MGAT5B: variants seen among roughly 807,000 people sequenced by gnomAD.
MGAT5B encodes alpha-1,6-mannosylglycoprotein 6-beta-N-acetylglucosaminyltransferase B.
In MGAT5B, 54 loss-of-function variants were observed where a neutral mutation model predicts 95.1. That is an observed-to-expected ratio of 0.57 (90% confidence interval 0.46 to 0.71). The LOEUF (loss-of-function observed/expected upper bound fraction) is 0.71, where lower values mean the gene tolerates loss of function less well. Ranked by LOEUF, MGAT5B falls within the 30% of genes least tolerant of loss-of-function variation. MGAT5B has a pLI of 0.00. For synonymous variants in MGAT5B, 464 were observed against 451.0 expected (o/e 1.03, Z -0.36); for missense variants, 935 against 1,088.6 (o/e 0.86, Z 1.99).
At position 76,938,047 on chromosome 17, in the gene MGAT5B, C is replaced by T; in HGVS notation, c.1488C>T (p.Tyr496=). ...NKYMEIHGTV[Y]YESQRPPEVP... Reference sequence around the variant, plus strand: ...ACATGGAGATCCATGGCACCGTGTACTACGAGAGCCAGCGGCCCCCCGAGG... The same window carrying T: ...ACATGGAGATCCATGGCACCGTGTATTACGAGAGCCAGCGGCCCCCCGAGG... Residue 496 remains tyrosine, a synonymous_variant, in exon 13 of 18, where the codon TAC becomes TAT. Transcript: ENST00000569840. This position sits in a 1 kb window ranked among gnomAD's most constrained non-coding sequence, Gnocchi z 4.3. The T allele has an allele frequency of 1.2e-6, 2 of 1,614,236 alleles. No homozygotes were observed. The highest frequency in any genetic ancestry group is 1.7e-6 in the Non-Finnish European group (2 of 1,180,032).
chr17:76,926,959 G>A (rs937897560), intron 10 of MGAT5B, among the ~76,000 whole-genome samples: 3 of 152,156 alleles, frequency 2.0e-5, no homozygotes, highest in South Asian at 2.1e-4. Flanking sequence ...TGTCCAGGGC[G>A]GGGTGACCTC....
At chr17:76,945,584 G>A (rs982473427) in intron 15 of MGAT5B, among the ~76,000 whole-genome samples, 4 of 152,146 alleles carry the variant, frequency 2.6e-5, no homozygotes, top group South Asian at 2.1e-4. Flanking sequence ...CCACCGTGCC[G>A]GGCTAACTAT....
intron 16 of MGAT5B, among the ~76,000 whole-genome samples, 181 bp downstream of exon 16, chr17:76,946,631 GCGGGC>G (rs1970038426): frequency 6.6e-6 from 1 of 152,216 alleles, no homozygotes; most frequent in Non-Finnish European, 1.5e-5. Context: ...AGGCCTGACT[GCGGGC>G]CTGGAAAGCA....
rs1389708342 is a variant in MGAT5B at position 76,868,837 on chromosome 17, C to T, written c.-193C>T. 2.9e-6 allele frequency: 1 copy of T among 341,372 alleles called. No homozygotes were observed. The highest frequency in any genetic ancestry group is 2.2e-5 in the African/African-American group (1 of 46,016). The allele number at this position is 341,372 out of a possible 1,614,324, so 21.1% of individuals were successfully genotyped here. On this transcript the variant is annotated 5_prime_UTR_variant, in exon 1 of 18. Coordinates refer to ENST00000569840, the MANE Select transcript of MGAT5B (RefSeq NM_001199172.2). This position sits in a 1 kb window ranked among gnomAD's most constrained non-coding sequence, Gnocchi z 6.3. ...GGCCCGGCCGGGCGCCCTCGCCGCCCTCCGGCAGCCGCGCCGCTCCCTCCG... is the reference window on the plus strand; with the variant it reads ...GGCCCGGCCGGGCGCCCTCGCCGCCTTCCGGCAGCCGCGCCGCTCCCTCCG...
At position 76,926,630 on chromosome 17, in the gene MGAT5B, G is replaced by A. The variant is rs144217759; in HGVS notation, c.1191G>A (p.Thr397=). The A allele has an allele frequency of 3.2e-5, 52 of 1,612,484 alleles. No homozygotes were observed. The highest frequency in any genetic ancestry group is 2.8e-4 in the African/African-American group (21 of 74,926). ...CRIRVIDTFG[T]EPAYNHEEYA... ...TCAGGGTCATCGACACCTTCGGGAC[G>A]GAACCTGCGTACAACCACGAGGAGT... Residue 397 remains threonine, a synonymous_variant, in exon 10 of 18, where the codon ACG becomes ACA. Transcript: ENST00000569840.
At chr17:76,884,519 C>T (rs964352995) in intron 3 of MGAT5B, among the ~76,000 whole-genome samples, 1 of 152,100 alleles carries the variant, frequency 6.6e-6, no homozygotes, top group African/African-American at 2.4e-5. Context: ...CTGCAACCTC[C>T]GCCTCCTGGG....
chr17:76,924,695 T>C (rs568640687), intron 8 of MGAT5B, among the ~76,000 whole-genome samples: 54 of 152,336 alleles, frequency 3.5e-4, no homozygotes, highest in African/African-American at 1.3e-3. Context: ...TTTGTGTCGA[T>C]GACAAAAGGT....
chr17:76,876,800 A>G (rs1257160300), intron 2 of MGAT5B, among the ~76,000 whole-genome samples: 1 of 152,198 alleles, frequency 6.6e-6, no homozygotes, highest in Non-Finnish European at 1.5e-5. Flanking sequence ...ATGGGGAATC[A>G]TGACCCGGAG....
Position 76,938,217 on chromosome 17 carries a change from C to G in MGAT5B, c.1584+74C>G. On this transcript the variant is annotated intron_variant, in intron 13 of 17. Coordinates refer to ENST00000569840, the MANE Select transcript of MGAT5B (RefSeq NM_001199172.2). The surrounding 1 kb of genome is among the most constrained non-coding windows in gnomAD (Gnocchi z 4.3). ...CTGAGGTCACCACCCATGCCTGCCA[C>G]CACCACTCAGGCCCCTTCCACATAT... The G allele has an allele frequency of 6.4e-7, 1 of 1,555,064 alleles. No individual in the cohort carries two copies. Among genetic ancestry groups the G allele is most frequent in the East Asian group, 2.3e-5 (1 of 44,292 alleles).
In MGAT5B at chr17:76,915,773, A is replaced by G. The variant is rs564467621; in HGVS notation, c.1026-9193A>G. ...GGCCGACGATTACAATTCACTAAAA[A>G]TCCCCGGCCCCTCTCCTGTCTCCTT... On this transcript the variant is annotated intron_variant, in intron 8 of 17. Coordinates refer to ENST00000569840, the MANE Select transcript of MGAT5B (RefSeq NM_001199172.2). The surrounding 1 kb of genome is among the most constrained non-coding windows in gnomAD (Gnocchi z 8.7). Among the ~76,000 whole-genome samples, 1 of 152,104 alleles carries G rather than the reference A, an allele frequency of 6.6e-6. No homozygotes were observed. Among genetic ancestry groups the G allele is most frequent in the Admixed American group, 6.5e-5 (1 of 15,278 alleles).
intron 10 of MGAT5B, among the ~76,000 whole-genome samples, chr17:76,927,462 A>G (rs945269737): frequency 3.3e-5 from 5 of 152,084 alleles, no homozygotes; most frequent in Admixed American, 2.0e-4. Flanking sequence ...CTGGTCTTGA[A>G]TTCCTGGGCT....
Position 76,939,029 on chromosome 17 carries a change from G to GGGGGGGGT in MGAT5B, c.1584+887_1584+888insGGGGGGTG, listed in dbSNP as rs1237086611. The stretch of plus-strand genomic sequence containing the variant: ...AGCTTGTTTCCCAAGGCATCTTGGG[G>GGGGGGGGT]GTGTGTGTGTGTGTGTGTGTGTGTG... On this transcript the variant is annotated intron_variant, in intron 13 of 17. Transcript: ENST00000569840. Among the ~76,000 whole-genome samples the GGGGGGGGT allele has an allele frequency of 3.9e-5, 5 of 128,258 alleles. No individual in the cohort carries two copies. The East Asian group carries it at 7.0e-4, about 18-fold the overall frequency. The allele number at this position is 128,258 out of a possible 152,430, so 84.1% of individuals were successfully genotyped here.
intron 8 of MGAT5B, among the ~76,000 whole-genome samples, chr17:76,908,447 A>C (rs1242313391): frequency 6.6e-6 from 1 of 151,632 alleles, no homozygotes; most frequent in Non-Finnish European, 1.5e-5. Context: ...CTGTATTTTT[A>C]GTGGAGACAG....
At position 76,882,212 on chromosome 17, in the gene MGAT5B, G is replaced by T. The variant is rs747145783; in HGVS notation, c.243G>T (p.Met81Ile). ...AGATGAGCGACCTGCTGGAGCTGAT[G>T]GTGAAGCGCATGGACGCACTGGCCA... is the stretch of plus-strand genomic sequence containing the variant. ...LRKMSDLLEL[M>I]VKRMDALARL... Residue 81 changes from methionine to isoleucine, a missense_variant, in exon 3 of 18, where the codon ATG becomes ATT. Transcript: ENST00000569840. The T allele has an allele frequency of 2.5e-6, 4 of 1,613,702 alleles. No homozygotes were observed. Among genetic ancestry groups the T allele is most frequent in the Non-Finnish European group, 3.4e-6 (4 of 1,179,910 alleles).
At position 76,938,072 on chromosome 17, in the gene MGAT5B, G is replaced by T; in HGVS notation, c.1513G>T (p.Val505Leu). 1.2e-6 allele frequency: 2 copies of T among 1,614,250 alleles called. No individual in the cohort carries two copies. Among genetic ancestry groups the T allele is most frequent in the Non-Finnish European group, 1.7e-6 (2 of 1,180,042 alleles). ...VYYESQRPPE[V>L]PAFVKNHGLL... The stretch of plus-strand genomic sequence containing the variant: ...CTACGAGAGCCAGCGGCCCCCCGAG[G>T]TGCCAGCCTTTGTGAAGAACCACGG... The change falls in exon 13 of 18, where the codon GTG becomes TTG. Residue 505 changes from valine (V) to leucine (L), a missense_variant. Transcript: ENST00000569840. This position sits in a 1 kb window ranked among gnomAD's most constrained non-coding sequence, Gnocchi z 4.3.
Position 76,928,920 on chromosome 17 carries a change from C to A in MGAT5B, c.1291+2190C>A, listed in dbSNP as rs147992982. Among the ~76,000 whole-genome samples, 990 of 151,174 alleles carry A rather than the reference C, an allele frequency of 6.5e-3. 11 individuals carry two copies. The highest frequency in any genetic ancestry group is 0.023 in the African/African-American group (953 of 41,160). ...AGACTCTGTCACTCAGGCTGGAGTG[C>A]AGTGGCGCGACCTCGGCTCCCTGCA... On this transcript the variant is annotated intron_variant, in intron 10 of 17. Coordinates refer to ENST00000569840, the MANE Select transcript of MGAT5B (RefSeq NM_001199172.2).
rs1188872510 is a variant in MGAT5B at position 76,943,434 on chromosome 17, AAG to A, written c.1848+2589_1848+2590del. 6.6e-5 allele frequency among the ~76,000 whole-genome samples: 10 copies of A among 151,864 alleles called. No homozygotes were observed. The South Asian group carries it at 1.0e-3, about 16-fold the overall frequency. ...GCAGCTCAAAAACATTTATGTGCCCAAGAGTCACCCGGGGGGAGGGCCTTAAA... is the reference window on the plus strand; with the variant it reads ...GCAGCTCAAAAACATTTATGTGCCCAAGTCACCCGGGGGGAGGGCCTTAAA... On this transcript the variant is annotated intron_variant, in intron 15 of 17. Coordinates refer to ENST00000569840, the MANE Select transcript of MGAT5B (RefSeq NM_001199172.2).
rs756107005 is a variant in MGAT5B, at chr17:76,948,076, G to A, written c.2170G>A (p.Ala724Thr). 12 of 1,600,630 alleles carry A rather than the reference G, an allele frequency of 7.5e-6. No individual in the cohort carries two copies. The highest frequency in any genetic ancestry group is 8.5e-6 in the Non-Finnish European group (10 of 1,173,070). ...CTTCCCCTTCCTGAACAGCCAGGAC[G>A]CCTTCCTCAAGTGAGTGTTCCCCCA... ...SFFPFLNSQDAFLKLQVPCDS... is the reference protein window; with the variant it reads ...SFFPFLNSQDTFLKLQVPCDS... Residue 724 changes from alanine to threonine, a missense_variant, in exon 17 of 18, where the codon GCC becomes ACC. This residue lies in a region of MGAT5B where 440 missense variants were observed against 523.6 expected (regional missense o/e 0.84). Coordinates refer to ENST00000569840, the MANE Select transcript of MGAT5B (RefSeq NM_001199172.2).
intron 10 of MGAT5B, among the ~76,000 whole-genome samples, chr17:76,928,389 C>G (rs1406907193): frequency 6.6e-6 from 1 of 152,004 alleles, no homozygotes; most frequent in East Asian, 1.9e-4. Context: ...AGTTGAGAAG[C>G]TTGGGTATTT....
Sources: gnomAD v4.1 joint callset for allele counts (sites outside exome capture counted in the v4.1 genomes callset) on GRCh38, gnomAD v4.1.1 for gene constraint, gnomAD v4.1.1 regional missense constraint, Gnocchi (gnomAD v3.1) non-coding constraint, MANE v1.5 for transcripts, NCBI Gene and HGNC (gene_info 2026-07-23, HGNC 2026-07-21) for gene names.